SULF1: variants seen among roughly 807,000 people sequenced by gnomAD.
SULF1 encodes the protein sulfatase 1, also known as extracellular sulfatase Sulf-1.
A neutral mutation model predicts 110.5 loss-of-function variants in SULF1; 46 were observed. That is an observed-to-expected ratio of 0.42 (90% CI 0.33 to 0.53). The LOEUF (loss-of-function observed/expected upper bound fraction) is 0.53, where lower values mean the gene tolerates loss of function less well. SULF1 is among the 20% of genes least tolerant of loss of function. The pLI is 0.12. For missense variants in SULF1, 941 were observed against 1,094.2 expected (o/e 0.86, Z 1.98); for synonymous variants, 371 against 387.1 (o/e 0.96, Z 0.49).
chr8:69,638,795 A>G lies in SULF1; in HGVS notation c.2488A>G (p.Met830Val). Reference protein sequence around the residue: ...GILNQLHVQLMELRSCQGYKQ... With the variant: ...GILNQLHVQLVELRSCQGYKQ... ...TTTGAATCAGCTACACGTACAACTA[A>G]TGGAGCTCAGAAGCTGTCAAGGATA... The change falls in exon 21 of 23, where the codon ATG becomes GTG. Residue 830 changes from methionine (M) to valine (V), a missense_variant. Met to Val is a conservative substitution (Grantham distance 21, BLOSUM62 1). Coordinates refer to ENST00000402687, the MANE Select transcript of SULF1 (RefSeq NM_001128205.2). The G allele has an allele frequency of 6.2e-7, 1 of 1,614,160 alleles. No homozygotes were observed. Among genetic ancestry groups the G allele is most frequent in the South Asian group, 1.1e-5 (1 of 91,072 alleles).
chr8:69,589,461 C>T (rs1202959183), intron 8 of SULF1, among the ~76,000 whole-genome samples: 2 of 152,218 alleles, frequency 1.3e-5, no homozygotes, highest in Non-Finnish European at 2.9e-5. Context: ...ATTCGTGTGT[C>T]TGATCTAATA....
intron 3 of SULF1, among the ~76,000 whole-genome samples, chr8:69,502,680 C>CTTTCTTTTTCTTTTTTTTTTTTTTTTT (rs1810890406): frequency 8.6e-6 from 1 of 116,460 alleles, no homozygotes. Context: ...TTTTCTTTTT[C>CTTTCTTTTTCTTTTTTTTTTTTTTTTT]TTTTTTTTTC....
At chr8:69,604,585 A>G (rs1808070760) in intron 12 of SULF1, among the ~76,000 whole-genome samples, 1 of 152,178 alleles carries the variant, frequency 6.6e-6, no homozygotes, top group African/African-American at 2.4e-5. Context: ...GGAAGAACGA[A>G]TCTTTTCCTG....
At chr8:69,630,307 A>G (rs1810418483) in intron 19 of SULF1, among the ~76,000 whole-genome samples, 1 of 152,236 alleles carries the variant, frequency 6.6e-6, no homozygotes. Flanking sequence ...GCCATATAGA[A>G]GTAATACCCC....
At chr8:69,543,828 G>A (rs1349897067) in intron 3 of SULF1, among the ~76,000 whole-genome samples, 1 of 152,198 alleles carries the variant, frequency 6.6e-6, no homozygotes, top group African/African-American at 2.4e-5. Context: ...GTGTCAAGAT[G>A]TGAACTACAG....
rs1454707691 is a variant in SULF1, at chr8:69,655,636, A to C, written c.2586-2869A>C. 5.9e-5 allele frequency among the ~76,000 whole-genome samples: 9 copies of C among 152,198 alleles called. No homozygotes were observed. The East Asian group carries it at 9.7e-4, about 16-fold the overall frequency. ...TGGTCAGGCTGGTCTTAAACTCCTG[A>C]CCTCAAGTGATTCACCCGCCTCATC... On this transcript the variant is annotated intron_variant, in intron 22 of 22. Transcript: ENST00000402687.
intron 8 of SULF1, among the ~76,000 whole-genome samples, chr8:69,591,219 C>T (rs1346790906): frequency 6.6e-6 from 1 of 152,038 alleles, no homozygotes; most frequent in Non-Finnish European, 1.5e-5. Context: ...AGGGGAGGAG[C>T]CTGCAGAGTT....
intron 10 of SULF1, among the ~76,000 whole-genome samples, chr8:69,602,391 C>T (rs1195197226): frequency 1.3e-5 from 2 of 152,178 alleles, no homozygotes; most frequent in African/African-American, 4.8e-5. Context: ...ATGGCCTTGT[C>T]AATCATCTCA....
intron 13 of SULF1, among the ~76,000 whole-genome samples, chr8:69,608,971 C>T (rs774896404): frequency 6.6e-6 from 1 of 152,144 alleles, no homozygotes; most frequent in Non-Finnish European, 1.5e-5. Context: ...GGGCAAATCT[C>T]GACCTCTTTC....
chr8:69,580,834 T>C (rs1371080112), intron 6 of SULF1, among the ~76,000 whole-genome samples: 1 of 152,160 alleles, frequency 6.6e-6, no homozygotes, highest in Non-Finnish European at 1.5e-5. Flanking sequence ...AGAAAAATTA[T>C]ATCAAATAAT....
At chr8:69,528,096 T>A (rs1812822424) in intron 3 of SULF1, among the ~76,000 whole-genome samples, 1 of 152,182 alleles carries the variant, frequency 6.6e-6, no homozygotes, top group Non-Finnish European at 1.5e-5. Context: ...CCTCTAATCC[T>A]TTTCAGTCTC....
chr8:69,641,937 T>C (rs1242428528), intron 22 of SULF1, among the ~76,000 whole-genome samples: 1 of 151,914 alleles, frequency 6.6e-6, no homozygotes, highest in Non-Finnish European at 1.5e-5. Flanking sequence ...CACCTGGCAA[T>C]ATTCGCCATT....
intron 3 of SULF1, among the ~76,000 whole-genome samples, chr8:69,519,963 C>T (rs565855811): frequency 6.6e-6 from 1 of 152,226 alleles, no homozygotes; most frequent in East Asian, 1.9e-4. Context: ...CTTAATACAA[C>T]ATCTGTACAA....
At chr8:69,549,095 G>A (rs1388749556) in intron 3 of SULF1, among the ~76,000 whole-genome samples, 1 of 152,136 alleles carries the variant, frequency 6.6e-6, no homozygotes, top group Non-Finnish European at 1.5e-5. Flanking sequence ...CAGATGTTTT[G>A]AACAGCACTC....
chr8:69,515,656 A>G (rs1374153269), intron 3 of SULF1, among the ~76,000 whole-genome samples: 1 of 152,136 alleles, frequency 6.6e-6, no homozygotes, highest in African/African-American at 2.4e-5. Flanking sequence ...AAATTTTCCA[A>G]ACTTTTGTGC....
chr8:69,654,518 G>A (rs78563086), intron 22 of SULF1, among the ~76,000 whole-genome samples: 498 of 152,312 alleles, frequency 3.3e-3, no homozygotes, highest in African/African-American at 0.012. Flanking sequence ...TGCCCTATCA[G>A]GCCCTTAGGA....
At chr8:69,630,632 CTG>C (rs1386470604) in intron 19 of SULF1, among the ~76,000 whole-genome samples, 1 of 152,072 alleles carries the variant, frequency 6.6e-6, no homozygotes, top group Non-Finnish European at 1.5e-5. Context: ...GTTTCTGAAA[CTG>C]TGGTGTGGGA....
upstream of SULF1, among the ~76,000 whole-genome samples, chr8:69,490,102 C>CTT (rs59483735): frequency 5.6e-4 from 66 of 117,164 alleles, no homozygotes; most frequent in Non-Finnish European, 9.0e-4. Flanking sequence ...CCATACTTTT[C>CTT]TTTTTTTTTT....
At chr8:69,497,452 G>C (rs181671247) in intron 2 of SULF1, among the ~76,000 whole-genome samples, 1 of 152,010 alleles carries the variant, frequency 6.6e-6, no homozygotes, top group South Asian at 2.1e-4. Context: ...CACCAGGCCC[G>C]GCCCAGAATG....
Sources: gnomAD v4.1 joint callset for allele counts (sites outside exome capture counted in the v4.1 genomes callset) on GRCh38, gnomAD v4.1.1 for gene constraint, MANE v1.5 for transcripts, NCBI Gene and HGNC (gene_info 2026-07-23, HGNC 2026-07-21) for gene names.